FANCC: variants seen among roughly 807,000 people sequenced by gnomAD.
FANCC encodes FA complementation group C.
A neutral mutation model predicts 71.3 loss-of-function variants in FANCC; 55 were observed. The observed-to-expected ratio is 0.77, with a 90% CI of 0.62 to 0.97. The LOEUF (loss-of-function observed/expected upper bound fraction) is 0.97. Ranked by LOEUF, FANCC falls within the 50% of genes least tolerant of loss-of-function variation. The pLI is 0.00. For synonymous variants in FANCC, 275 were observed against 244.9 expected (o/e 1.12, Z -1.15); for missense variants, 678 against 670.9 (o/e 1.01, Z -0.12).
intron 13 of FANCC, chr9:95,110,744 G>C (rs549797053): frequency 4.4e-5 from 48 of 1,099,100 alleles, no homozygotes; most frequent in Non-Finnish European, 4.3e-5. Flanking sequence ...TCAGCATAGA[G>C]CACTGGCAGT....
chr9:95,186,375 C>A (rs1356748206), intron 4 of FANCC: 1 of 152,286 alleles, frequency 6.6e-6, no homozygotes, highest in Admixed American at 6.5e-5. Flanking sequence ...TGCCAGGAGC[C>A]CCCTCACAAG....
At chr9:95,161,438 T>G (rs552192656) in intron 6 of FANCC, among the ~76,000 whole-genome samples, 1 of 152,318 alleles carries the variant, frequency 6.6e-6, no homozygotes, top group African/African-American at 2.4e-5. Flanking sequence ...AACAGAGCAC[T>G]CATCGAGAGA....
At chr9:95,191,748 C>G (rs1250008617) in intron 4 of FANCC, among the ~76,000 whole-genome samples, 1 of 152,024 alleles carries the variant, frequency 6.6e-6, no homozygotes, top group Non-Finnish European at 1.5e-5. Flanking sequence ...ACCTTCGACT[C>G]ATCCTTCAAA....
chr9:95,123,930 G>A (rs577756669), intron 10 of FANCC: 11 of 388,114 alleles, frequency 2.8e-5, no homozygotes, highest in African/African-American at 2.3e-4. Flanking sequence ...AATGGAAATT[G>A]TACTTAATTA....
intron 1 of FANCC, among the ~76,000 whole-genome samples, chr9:95,303,922 A>T (rs1050929966): frequency 3.9e-5 from 6 of 152,170 alleles, no homozygotes; most frequent in African/African-American, 1.4e-4. Flanking sequence ...TATTCTCAGA[A>T]CGAAAAGACA....
At chr9:95,143,406 C>A (rs889100679) in intron 7 of FANCC, among the ~76,000 whole-genome samples, 3 of 152,140 alleles carry the variant, frequency 2.0e-5, no homozygotes, top group African/African-American at 7.2e-5. Flanking sequence ...TGGTTGGTTC[C>A]TTTGGCTACC....
At chr9:95,122,152 C>A (rs1283997644) in intron 10 of FANCC, among the ~76,000 whole-genome samples, 9 of 152,130 alleles carry the variant, frequency 5.9e-5, no homozygotes, top group Admixed American at 2.0e-4. Flanking sequence ...GCCACCACGC[C>A]TGGCACATAA....
chr9:95,280,834 G>A (rs1314185068), intron 1 of FANCC, among the ~76,000 whole-genome samples: 1 of 152,150 alleles, frequency 6.6e-6, no homozygotes, highest in Non-Finnish European at 1.5e-5. Flanking sequence ...AAATTCATCA[G>A]AGAAATTTAA....
chr9:95,149,835 A>G, intron 7 of FANCC, 88 bp downstream of exon 7: 2 of 1,431,022 alleles, frequency 1.4e-6, no homozygotes, highest in South Asian at 1.2e-5. Flanking sequence ...ACGTTTGGAC[A>G]CTGCTGTCGT....
At chr9:95,215,369 G>A (rs1011947641) in intron 4 of FANCC, among the ~76,000 whole-genome samples, 1 of 152,068 alleles carries the variant, frequency 6.6e-6, no homozygotes, top group Non-Finnish European at 1.5e-5. Flanking sequence ...AGGAGGAGAG[G>A]GAGATGGAGA....
intron 6 of FANCC, among the ~76,000 whole-genome samples, chr9:95,162,876 G>A (rs897656313): frequency 1.3e-5 from 2 of 152,116 alleles, no homozygotes. Context: ...CCAGATTTAA[G>A]GTTTGAAAAT....
chr9:95,252,878 A>C (rs1394823120), intron 1 of FANCC, among the ~76,000 whole-genome samples: 1 of 150,148 alleles, frequency 6.7e-6, no homozygotes, highest in Admixed American at 6.7e-5. Context: ...CCAAGACCCC[A>C]TCTCTAAAAA....
At chr9:95,105,921 G>C (rs1564639746) in intron 14 of FANCC, among the ~76,000 whole-genome samples, 2 of 152,278 alleles carry the variant, frequency 1.3e-5, no homozygotes, top group East Asian at 3.9e-4. Flanking sequence ...TGAGAATAGT[G>C]CTGCCCTGAG....
At chr9:95,232,578 C>T (rs1830072889) in intron 4 of FANCC, among the ~76,000 whole-genome samples, 1 of 152,076 alleles carries the variant, frequency 6.6e-6, no homozygotes, top group Non-Finnish European at 1.5e-5. Flanking sequence ...GCAATTGTGT[C>T]CATGTGTCCC....
At chr9:95,124,343 C>A (rs1413796535) in intron 10 of FANCC, among the ~76,000 whole-genome samples, 3 of 152,248 alleles carry the variant, frequency 2.0e-5, no homozygotes, top group Admixed American at 1.3e-4. Context: ...CGTTAGAAAT[C>A]AAGGCCAAAT....
chr9:95,175,052 C>T (rs569718964), intron 4 of FANCC, among the ~76,000 whole-genome samples: 1 of 152,172 alleles, frequency 6.6e-6, no homozygotes, highest in Admixed American at 6.5e-5. Flanking sequence ...ATTCAACAGC[C>T]CTACCCCTGG....
At chr9:95,187,994 A>C (rs1332396276) in intron 4 of FANCC, among the ~76,000 whole-genome samples, 2 of 152,220 alleles carry the variant, frequency 1.3e-5, no homozygotes, top group Admixed American at 1.3e-4. Flanking sequence ...ACTACGCATC[A>C]GTGTCTTCAT....
chr9:95,293,391 C>T, intron 1 of FANCC: 1 of 1,582,438 alleles, frequency 6.3e-7, no homozygotes, highest in Non-Finnish European at 8.6e-7. Context: ...AGTAGGAACC[C>T]TGATCCTCGG....
chr9:95,247,382 A>G (rs375017045), intron 3 of FANCC, 50 bp downstream of exon 3: 1 of 1,340,688 alleles, frequency 7.5e-7, no homozygotes, highest in Admixed American at 1.7e-5. Context: ...CTGTGAAACA[A>G]TGCAAAGATT....
Sources: allele counts gnomAD v4.1 joint callset (sites outside exome capture counted in the v4.1 genomes callset), GRCh38; gene constraint gnomAD v4.1.1; transcripts MANE v1.5; gene names NCBI Gene and HGNC (gene_info 2026-07-23, HGNC 2026-07-21).